Variants in STMN2 observed in about 807,000 individuals in gnomAD.
STMN2 encodes the protein stathmin 2.
Under a neutral mutation model 24.1 loss-of-function variants are expected in STMN2, and 2 were observed. The observed-to-expected ratio is 0.08, with a 90% CI of 0.03 to 0.26. STMN2 has a LOEUF of 0.26. Ranked by LOEUF, STMN2 falls within the 10% of genes least tolerant of loss-of-function variation. The pLI, the probability that STMN2 is intolerant of heterozygous loss-of-function variation, is 1.00. For missense variants in STMN2, 114 were observed against 213.6 expected (o/e 0.53, Z 2.91); for synonymous variants, 83 against 77.5 (o/e 1.07, Z -0.37).
chr8:79,636,361 C>T lies in STMN2; in HGVS notation c.20-441C>T, dbSNP rs1393249341. 5.3e-5 allele frequency among the ~76,000 whole-genome samples: 8 copies of T among 152,294 alleles called. No individual in the cohort carries two copies. In the East Asian group the frequency reaches 1.4e-3, roughly 26 times the overall value. On this transcript the variant is annotated intron_variant, in intron 1 of 4. Coordinates refer to ENST00000220876, the MANE Select transcript of STMN2 (RefSeq NM_007029.4). ...TTATCTGACTATTCCCAAATGAGTA[C>T]GTGGCAATTCAGGCTGAACCATCAG...
At chr8:79,633,979 C>T (rs879529514) in intron 1 of STMN2, among the ~76,000 whole-genome samples, 17 of 152,106 alleles carry the variant, frequency 1.1e-4, no homozygotes, top group South Asian at 8.3e-4. Flanking sequence ...TAAAAATTCA[C>T]GTTCCGATAC....
At chr8:79,651,517 A>G (rs1810333399) in intron 3 of STMN2, among the ~76,000 whole-genome samples, 1 of 152,204 alleles carries the variant, frequency 6.6e-6, no homozygotes, top group Non-Finnish European at 1.5e-5. Flanking sequence ...GAAGTATGGA[A>G]AAGTGGTGTT....
intron 2 of STMN2, among the ~76,000 whole-genome samples, chr8:79,639,959 T>G (rs1484846097): frequency 6.6e-6 from 1 of 152,224 alleles, no homozygotes; most frequent in Non-Finnish European, 1.5e-5. Flanking sequence ...CCCAGCACTT[T>G]GGGAGGCCAA....
intron 1 of STMN2, chr8:79,613,382 C>A (rs1287888060): frequency 2.0e-6 from 2 of 985,304 alleles, no homozygotes; most frequent in African/African-American, 1.7e-5. Flanking sequence ...GCGCTCCCCT[C>A]CCCGGAGTTG....
At chr8:79,613,508 G>A (rs1809301357) in intron 1 of STMN2, 1 of 985,394 alleles carries the variant, frequency 1.0e-6, no homozygotes, top group Non-Finnish European at 1.2e-6. Context: ...CTGAGAATGG[G>A]TGGTGGGGGC....
chr8:79,613,687 G>T, intron 1 of STMN2: 1 of 985,398 alleles, frequency 1.0e-6, no homozygotes, highest in Non-Finnish European at 1.2e-6. Flanking sequence ...GATTGCTCTT[G>T]GTTAAGGATT....
intron 3 of STMN2, among the ~76,000 whole-genome samples, chr8:79,651,860 G>C (rs542464080): frequency 6.6e-6 from 1 of 152,280 alleles, no homozygotes; most frequent in East Asian, 1.9e-4. Context: ...CAAATACCAG[G>C]TTGGGGCTCA....
At chr8:79,659,821 G>T (rs1806464829) in intron 4 of STMN2, among the ~76,000 whole-genome samples, 2 of 151,992 alleles carry the variant, frequency 1.3e-5, no homozygotes, top group Admixed American at 6.6e-5. Context: ...GCTATGATTT[G>T]CAGTTTTAAT....
At chr8:79,636,588 A>G (rs2130348294) in intron 1 of STMN2, among the ~76,000 whole-genome samples, 1 of 152,164 alleles carries the variant, frequency 6.6e-6, no homozygotes, top group Middle Eastern at 3.4e-3. Context: ...TTAACCTGCT[A>G]TACTATGCAA....
At chr8:79,633,532 G>A (rs1445995177) in intron 1 of STMN2, among the ~76,000 whole-genome samples, 1 of 152,200 alleles carries the variant, frequency 6.6e-6, no homozygotes, top group Non-Finnish European at 1.5e-5. Context: ...TTGGAAACTG[G>A]AAGTCTGAGA....
chr8:79,613,670 G>A (rs1809306130), intron 1 of STMN2: 1 of 985,262 alleles, frequency 1.0e-6, no homozygotes, highest in Non-Finnish European at 1.2e-6. Context: ...TGTTCAAAAG[G>A]GACGTGGATT....
intron 4 of STMN2, among the ~76,000 whole-genome samples, chr8:79,662,989 C>T (rs947517301): frequency 6.6e-6 from 1 of 152,220 alleles, no homozygotes. Flanking sequence ...GCTAATTTCC[C>T]CTGTGACATT....
chr8:79,651,329 A>C (rs553590665), intron 3 of STMN2, among the ~76,000 whole-genome samples: 2 of 152,284 alleles, frequency 1.3e-5, no homozygotes, highest in South Asian at 2.1e-4. Flanking sequence ...GTGTAATCTC[A>C]TTTAGCCCCA....
rs778180163 is a variant in STMN2 at position 79,611,258 on chromosome 8, C to T, written c.19+44C>T. 5 of 1,610,362 alleles carry T rather than the reference C, an allele frequency of 3.1e-6. No individual in the cohort carries two copies. The African/African-American group carries it at 6.7e-5, about 22-fold the overall frequency. On this transcript the variant is annotated intron_variant, in intron 1 of 4. Transcript: ENST00000220876. Reference sequence around the variant, plus strand: ...TTCTCCGTCGGCTCTACCTGGAGCCCACCTCTCACCTCCTCTCTTGAGCTC... The same window carrying T: ...TTCTCCGTCGGCTCTACCTGGAGCCTACCTCTCACCTCCTCTCTTGAGCTC...
intron 3 of STMN2, among the ~76,000 whole-genome samples, chr8:79,649,559 A>G (rs1239612174): frequency 6.6e-6 from 1 of 152,186 alleles, no homozygotes; most frequent in Non-Finnish European, 1.5e-5. Context: ...TCAGCAGTAA[A>G]GTCAATAATT....
chr8:79,616,030 G>GA (rs1466643285), intron 1 of STMN2, among the ~76,000 whole-genome samples: 2 of 152,100 alleles, frequency 1.3e-5, no homozygotes, highest in South Asian at 2.1e-4. Flanking sequence ...CTTCTTCATC[G>GA]ATTGAAATGT....
intron 1 of STMN2, among the ~76,000 whole-genome samples, chr8:79,626,920 A>C (rs569149322): frequency 6.6e-6 from 1 of 152,270 alleles, no homozygotes; most frequent in African/African-American, 2.4e-5. Context: ...AAACACAAAA[A>C]GAAAGAAAGA....
At chr8:79,636,209 T>C (rs1363913946) in intron 1 of STMN2, among the ~76,000 whole-genome samples, 1 of 152,056 alleles carries the variant, frequency 6.6e-6, no homozygotes, top group Non-Finnish European at 1.5e-5. Context: ...AGAGCAACTC[T>C]GTCTCAAAGA....
At chr8:79,632,228 G>A (rs1204462086) in intron 1 of STMN2, among the ~76,000 whole-genome samples, 1 of 152,066 alleles carries the variant, frequency 6.6e-6, no homozygotes, top group Non-Finnish European at 1.5e-5. Flanking sequence ...TATATAAATT[G>A]GTAAGCTTCA....
Sources: allele counts gnomAD v4.1 joint callset (sites outside exome capture counted in the v4.1 genomes callset), GRCh38; gene constraint gnomAD v4.1.1; transcripts MANE v1.5; gene names NCBI Gene and HGNC (gene_info 2026-07-23, HGNC 2026-07-21).